Variants in DTNA observed in about 807,000 individuals in gnomAD.
DTNA encodes the protein dystrobrevin alpha, also known as dystrophin-related protein 3.
Under a neutral mutation model 100.7 loss-of-function variants are expected in DTNA, and 43 were observed. The observed-to-expected ratio is 0.43, with a 90% confidence interval of 0.33 to 0.55. The LOEUF (loss-of-function observed/expected upper bound fraction) is 0.55. Among genes scored for constraint, DTNA ranks in the 20% least tolerant of loss-of-function variants. The probability of loss-of-function intolerance (pLI) is 0.04; values close to 1 mark genes in which losing one functional copy is unlikely to be tolerated. For synonymous variants in DTNA, 349 were observed against 347.9 expected (o/e 1.00, Z -0.04); for missense variants, 798 against 953.9 (o/e 0.84, Z 2.15).
intron 1 of DTNA, among the ~76,000 whole-genome samples, chr18:34,623,689 G>A (rs184669895): frequency 2.0e-4 from 31 of 152,222 alleles, no homozygotes; most frequent in African/African-American, 7.5e-4. Flanking sequence ...TGTGGCAGGC[G>A]GTGTGCTATG....
chr18:34,751,387 A>T (rs932607946), intron 1 of DTNA, among the ~76,000 whole-genome samples: 16 of 152,198 alleles, frequency 1.1e-4, no homozygotes, highest in African/African-American at 3.6e-4. Context: ...ACCATGCTGG[A>T]GTTGTTTCCT....
chr18:34,884,616 C>T (rs1333934856), intron 21 of DTNA, 112 bp from the exon 22 acceptor site: 10 of 1,156,820 alleles, frequency 8.6e-6, no homozygotes, highest in Non-Finnish European at 7.9e-6. Context: ...TCAATAGACT[C>T]TCTCTCTCTC....
At chr18:34,637,127 C>T (rs2058749486) in intron 1 of DTNA, among the ~76,000 whole-genome samples, 1 of 152,192 alleles carries the variant, frequency 6.6e-6, no homozygotes, top group African/African-American at 2.4e-5. Flanking sequence ...CTGATATTTG[C>T]TCCCTAATTG....
intron 1 of DTNA, among the ~76,000 whole-genome samples, chr18:34,726,796 C>T (rs1404435793): frequency 1.3e-5 from 2 of 152,210 alleles, no homozygotes; most frequent in Non-Finnish European, 2.9e-5. Context: ...GTGGCTCTAC[C>T]ATTTTCCCAA....
rs76101797 is a variant in DTNA at position 34,843,975 on chromosome 18, T to C, written c.1347-4321T>C. Among the ~76,000 whole-genome samples, 1,328 of 152,298 alleles carry C rather than the reference T, an allele frequency of 8.7e-3. 12 individuals are homozygous for C. Among genetic ancestry groups the C allele is most frequent in the African/African-American group, 0.031 (1,292 of 41,584 alleles). ...TGACAGTGTCTCTTTTATATGAGTT[T>C]TCATTTCCTGTTAACACGACTCCTT... On this transcript the variant is annotated intron_variant, in intron 13 of 22. Coordinates refer to ENST00000444659, the MANE Select transcript of DTNA (RefSeq NM_001386795.1).
chr18:34,542,683 G>C (rs1247331926), intron 1 of DTNA, among the ~76,000 whole-genome samples: 1 of 150,706 alleles, frequency 6.6e-6, no homozygotes, highest in African/African-American at 2.4e-5. Context: ...AAAAAAAAAA[G>C]TGAAAAATTA....
Position 34,722,606 on chromosome 18 carries a change from T to TACACACACACACAC in DTNA, c.-2+12173_-2+12186dup, listed in dbSNP as rs71166022. Among the ~76,000 whole-genome samples the TACACACACACACAC allele has an allele frequency of 2.8e-3, 414 of 147,220 alleles. 1 individual carries two copies. The highest frequency in any genetic ancestry group is 4.9e-3 in the African/African-American group (198 of 40,332). On this transcript the variant is annotated intron_variant, in intron 1 of 22. Coordinates refer to ENST00000444659, the MANE Select transcript of DTNA (RefSeq NM_001386795.1). The stretch of plus-strand genomic sequence containing the variant: ...ATAGGTTTTGACATATATATATACA[T>TACACACACACACAC]ACACACACACACACACACACACACA...
At chr18:34,678,973 A>G (rs899286961) in intron 1 of DTNA, among the ~76,000 whole-genome samples, 10 of 152,200 alleles carry the variant, frequency 6.6e-5, no homozygotes, top group African/African-American at 2.4e-4. Flanking sequence ...GGTATCTACT[A>G]ATGACTGCTC....
At chr18:34,525,795 CAG>C (rs2042558464) in intron 1 of DTNA, among the ~76,000 whole-genome samples, 2 of 152,122 alleles carry the variant, frequency 1.3e-5, no homozygotes, top group African/African-American at 2.4e-5. Context: ...GAAAACAAAA[CAG>C]AAATTGATTG....
At position 34,541,486 on chromosome 18, in the gene DTNA, A is replaced by G. The variant is rs146591071; in HGVS notation, c.-2+47972A>G. Among the ~76,000 whole-genome samples, 519 of 152,076 alleles carry G rather than the reference A, an allele frequency of 3.4e-3. 2 individuals are homozygous for G. The highest frequency in any genetic ancestry group is 0.012 in the African/African-American group (502 of 41,498). On this transcript the variant is annotated intron_variant, in intron 1 of 19. Coordinates refer to the DTNA transcript ENST00000283365. Reference sequence around the variant, plus strand: ...TTGTGAATAAGTCTCATGAGGTGTGATGGTTTAATAAAGGGGAGTTCCCCA... The same window carrying G: ...TTGTGAATAAGTCTCATGAGGTGTGGTGGTTTAATAAAGGGGAGTTCCCCA...
At position 34,829,479 on chromosome 18, in the gene DTNA, C is replaced by A; in HGVS notation, c.1165C>A (p.His389Asn). Residue 389 changes from histidine (H) to asparagine (N), a missense_variant, in exon 11 of 23, where the codon CAC (histidine) becomes AAC (asparagine). This residue lies in a region of DTNA where 159 missense variants were observed against 201.2 expected (regional missense o/e 0.79). Transcript: ENST00000444659. ...LIKLYVNQLDHGARSPPKDSE... is the reference protein window; with the variant it reads ...LIKLYVNQLDNGARSPPKDSE... The stretch of plus-strand genomic sequence containing the variant: ...AAAGCTGTACGTAAATCAGCTTGAT[C>A]ACGGTGCACGGTCAGTATCCCAGCC... The A allele has an allele frequency of 6.6e-7, 1 of 1,521,100 alleles. No homozygotes were observed. Among genetic ancestry groups the A allele is most frequent in the South Asian group, 1.2e-5 (1 of 83,158 alleles). The allele number at this position is 1,521,100 out of a possible 1,614,324, so 94.2% of individuals were successfully genotyped here. A position where few individuals can be genotyped will look rare whatever the true frequency, so the allele number is the denominator to read the frequency against.
chr18:34,734,629 T>G (rs977717886), intron 1 of DTNA, among the ~76,000 whole-genome samples: 1 of 152,178 alleles, frequency 6.6e-6, no homozygotes, highest in East Asian at 1.9e-4. Context: ...TGTCTGCTTC[T>G]GAAGCTGGGA....
intron 19 of DTNA, among the ~76,000 whole-genome samples, chr18:34,878,130 G>A (rs879471693): frequency 1.3e-5 from 2 of 151,928 alleles, no homozygotes; most frequent in African/African-American, 2.4e-5. Flanking sequence ...ATGCCAGCAC[G>A]CCTGGCTAAT....
intron 1 of DTNA, among the ~76,000 whole-genome samples, chr18:34,511,830 A>G (rs186247803): frequency 3.1e-4 from 47 of 152,204 alleles, no homozygotes; most frequent in African/African-American, 9.9e-4. Context: ...ATGCATATTT[A>G]AATATATTAG....
chr18:34,715,895 A>G (rs530357606), intron 1 of DTNA, among the ~76,000 whole-genome samples: 34 of 152,342 alleles, frequency 2.2e-4, no homozygotes, highest in African/African-American at 8.2e-4. Flanking sequence ...AAAAATATCT[A>G]CAAATTAAAC....
At chr18:34,560,190 G>A (rs774993297) in intron 1 of DTNA, among the ~76,000 whole-genome samples, 1 of 152,156 alleles carries the variant, frequency 6.6e-6, no homozygotes, top group African/African-American at 2.4e-5. Flanking sequence ...CACCTCAGCT[G>A]TGTTGATTTT....
intron 1 of DTNA, among the ~76,000 whole-genome samples, chr18:34,596,035 C>T (rs1437695615): frequency 1.3e-5 from 2 of 152,192 alleles, no homozygotes; most frequent in Non-Finnish European, 1.5e-5. Context: ...CTATGAAGCA[C>T]AGAAAGCTAC....
At chr18:34,734,838 T>C (rs986232052) in intron 1 of DTNA, among the ~76,000 whole-genome samples, 3 of 152,284 alleles carry the variant, frequency 2.0e-5, no homozygotes, top group East Asian at 1.9e-4. Context: ...CTCTAAACAG[T>C]TCACACCAAG....
intron 9 of DTNA, among the ~76,000 whole-genome samples, chr18:34,827,170 A>T (rs1165198658): frequency 2.0e-5 from 3 of 152,194 alleles, no homozygotes; most frequent in Non-Finnish European, 4.4e-5. Flanking sequence ...ATCATGGAGA[A>T]CACAGAAGGA....
Sources: allele counts gnomAD v4.1 joint callset (sites outside exome capture counted in the v4.1 genomes callset), GRCh38; gene constraint gnomAD v4.1.1; regional missense constraint gnomAD v4.1.1; transcripts MANE v1.5; gene names NCBI Gene and HGNC (gene_info 2026-07-23, HGNC 2026-07-21).